ELMOD3: variants seen among roughly 807,000 people sequenced by gnomAD.
ELMOD3 encodes the protein ELMO domain containing 3.
ELMOD3 carries 36 observed loss-of-function variants against 47.4 expected under a neutral mutation model. The observed-to-expected ratio is 0.76, with a 90% confidence interval of 0.58 to 1.00. ELMOD3 has a LOEUF of 1.00. Ranked by LOEUF, ELMOD3 falls within the 50% of genes least tolerant of loss-of-function variation. ELMOD3 has a pLI of 0.00. For missense variants in ELMOD3, 404 were observed against 463.8 expected (o/e 0.87, Z 1.18); for synonymous variants, 149 against 183.5 (o/e 0.81, Z 1.52).
At chr2:85,368,872 T>G in intron 7 of ELMOD3, 118 bp downstream of exon 7, 1 of 972,004 alleles carries the variant, frequency 1.0e-6, no homozygotes, top group Non-Finnish European at 1.6e-6. Context: ...CTGAGAGTGC[T>G]CATTTTAACT....
Position 85,371,183 on chromosome 2 carries a change from G to A in ELMOD3, c.458G>A (p.Arg153Lys). The change falls in exon 9 of 14, where the codon AGG (arginine) becomes AAG (lysine). Residue 153 changes from arginine to lysine, a missense_variant. Transcript: ENST00000409013. ...PKLHQRLREE[R>K]DLVLTIAQCG... Reference sequence around the variant, plus strand: ...CTCCACCAGCGCCTTCGGGAAGAAAGGGACTTGGTCCTGACCATTGCTCAG... The same window carrying A: ...CTCCACCAGCGCCTTCGGGAAGAAAAGGACTTGGTCCTGACCATTGCTCAG... 2 of 1,614,276 alleles carry A rather than the reference G, an allele frequency of 1.2e-6. No homozygotes were observed. The highest frequency in any genetic ancestry group is 1.1e-5 in the South Asian group (1 of 91,088).
In ELMOD3 at chr2:85,371,185, G is replaced by A; in HGVS notation, c.460G>A (p.Asp154Asn). ...CCACCAGCGCCTTCGGGAAGAAAGG[G>A]ACTTGGTCCTGACCATTGCTCAGTG... ...KLHQRLREER[D>N]LVLTIAQCGL... Residue 154 changes from aspartate (D) to asparagine (N), a missense_variant, in exon 9 of 14, where the codon GAC becomes AAC. By Grantham distance (23) the Asp-to-Asn change is conservative. Transcript: ENST00000409013. 6.2e-7 allele frequency: 1 copy of A among 1,614,266 alleles called. No homozygotes were observed. Among genetic ancestry groups the A allele is most frequent in the East Asian group, 2.2e-5 (1 of 44,888 alleles).
chr2:85,385,512 T>A (rs1685862324), intron 11 of ELMOD3, among the ~76,000 whole-genome samples: 1 of 152,238 alleles, frequency 6.6e-6, no homozygotes, highest in Non-Finnish European at 1.5e-5. Context: ...GAAGGAATTT[T>A]ACAAGGTAAT....
At chr2:85,377,208 G>C (rs770266209) in intron 10 of ELMOD3, 136 bp from the exon 11 acceptor site, 402 of 764,706 alleles carry the variant, frequency 5.3e-4, no homozygotes, top group Admixed American at 8.8e-4. Context: ...AGCCCCACAA[G>C]TGTGGCAGAA....
rs368941336 is a variant in ELMOD3, at chr2:85,363,704, G to A, written c.199+538G>A. On this transcript the variant is annotated intron_variant, in intron 6 of 13. Coordinates refer to ENST00000409013, the MANE Select transcript of ELMOD3 (RefSeq NM_001135022.2). ...TACCTGGGTAGGCCTCACAAACATG[G>A]TGGAAGGCAAGGAGGAGCAAGTCAC... 2.6e-5 allele frequency among the ~76,000 whole-genome samples: 4 copies of A among 152,318 alleles called. No individual in the cohort carries two copies. The East Asian group carries it at 5.8e-4, about 22-fold the overall frequency.
chr2:85,358,382 G>A (rs996672272), intron 4 of ELMOD3, among the ~76,000 whole-genome samples: 1 of 152,142 alleles, frequency 6.6e-6, no homozygotes, highest in Admixed American at 6.6e-5. Flanking sequence ...ACTGGACTTA[G>A]AGGTGTGAGA....
At position 85,357,062 on chromosome 2, in the gene ELMOD3, A is replaced by C; in HGVS notation, c.-137A>C. On this transcript the variant is annotated 5_prime_UTR_variant, in exon 4 of 14. Transcript: ENST00000409013. The stretch of plus-strand genomic sequence containing the variant: ...ACAAAGGGACTGTTTTCTTACTCTT[A>C]GTCTGAGTGACTGCCAAGGAAGGCA... The C allele has an allele frequency of 1.6e-6, 1 of 616,564 alleles. No homozygotes were observed. The highest frequency in any genetic ancestry group is 2.0e-5 in the South Asian group (1 of 49,552). The allele number at this position is 616,564 out of a possible 1,614,324, so 38.2% of individuals were successfully genotyped here.
In ELMOD3 at chr2:85,363,050, G is replaced by A. The variant is rs770157563; in HGVS notation, c.130-47G>A. 8 of 1,172,904 alleles carry A rather than the reference G, an allele frequency of 6.8e-6. No homozygotes were observed. In the South Asian group the frequency reaches 1.0e-4, roughly 15 times the overall value. 72.7% of individuals were successfully genotyped at this position (1,172,904 alleles called of 1,614,324 possible). A position where few individuals can be genotyped will look rare whatever the true frequency, so the allele number is the denominator to read the frequency against. On this transcript the variant is annotated intron_variant, in intron 5 of 13. Transcript: ENST00000409013. ...GGGTGGGAAGCGTTTGTGTATATGG[G>A]GGTATGTGGATTCTATCCTCAAGCT...
intron 8 of ELMOD3, among the ~76,000 whole-genome samples, chr2:85,370,089 A>C (rs373941821): frequency 2.1e-4 from 32 of 152,230 alleles, no homozygotes; most frequent in Middle Eastern, 3.4e-3. Context: ...AGGGATGGGG[A>C]CATCTAGAGT....
chr2:85,387,356 GTGTTGACAAAATC>G, intron 11 of ELMOD3: 1 of 551,256 alleles, frequency 1.8e-6, no homozygotes, highest in Non-Finnish European at 2.4e-6. Context: ...AAAATGTTAA[GTGTTGACAAAATC>G]TGTCTCATAA....
chr2:85,385,911 C>T (rs1255014070), intron 11 of ELMOD3, among the ~76,000 whole-genome samples: 2 of 152,098 alleles, frequency 1.3e-5, no homozygotes, highest in Non-Finnish European at 2.9e-5. Flanking sequence ...AAGAGAGTCA[C>T]AATGTTTCTG....
intron 12 of ELMOD3, 130 bp from the exon 13 acceptor site, chr2:85,390,008 C>T (rs748190569): frequency 6.2e-6 from 7 of 1,137,102 alleles, no homozygotes; most frequent in African/African-American, 3.0e-5. Flanking sequence ...ATGTCAGGCT[C>T]CTGGGGAATG....
Position 85,376,217 on chromosome 2 carries a change from G to A in ELMOD3, c.608-1127G>A, listed in dbSNP as rs1048186520. 4.5e-4 allele frequency among the ~76,000 whole-genome samples: 69 copies of A among 152,106 alleles called. No homozygotes were observed. Among genetic ancestry groups the A allele is most frequent in the Non-Finnish European group, 8.8e-4 (60 of 68,014 alleles). Reference sequence around the variant, plus strand: ...GTCTGTTGATCATCTTTTCTCATTCGAATTGAGAATTACCTAGTTCTTGGT... The same window carrying A: ...GTCTGTTGATCATCTTTTCTCATTCAAATTGAGAATTACCTAGTTCTTGGT... On this transcript the variant is annotated intron_variant, in intron 10 of 13. Transcript: ENST00000409013. This position sits in a 1 kb window ranked among gnomAD's most constrained non-coding sequence, Gnocchi z 4.2.
chr2:85,370,554 T>C (rs1401314594), intron 8 of ELMOD3, among the ~76,000 whole-genome samples: 2 of 152,146 alleles, frequency 1.3e-5, no homozygotes, highest in Admixed American at 1.3e-4. Flanking sequence ...CCAAGTTGTT[T>C]TATAGGACCC....
At chr2:85,375,675 T>C (rs1685125162) in intron 10 of ELMOD3, among the ~76,000 whole-genome samples, 1 of 152,252 alleles carries the variant, frequency 6.6e-6, no homozygotes, top group Non-Finnish European at 1.5e-5. Context: ...TGTAACAAAT[T>C]ACCACAAACC....
intron 11 of ELMOD3, among the ~76,000 whole-genome samples, chr2:85,377,952 G>C (rs989761753): frequency 2.6e-5 from 4 of 152,140 alleles, no homozygotes; most frequent in African/African-American, 9.7e-5. Flanking sequence ...TAGCAACTTA[G>C]AACTTTTTAA....
At chr2:85,389,522 A>T in intron 11 of ELMOD3, 1 of 584,060 alleles carries the variant, frequency 1.7e-6, no homozygotes, top group Non-Finnish European at 3.1e-6. Flanking sequence ...AAATAACCTC[A>T]GTTGGTATCC....
intron 10 of ELMOD3, 35 bp from the exon 11 acceptor site, chr2:85,377,309 T>C (rs767297808): frequency 1.3e-6 from 2 of 1,546,230 alleles, no homozygotes; most frequent in South Asian, 1.3e-5. Context: ...CATTGCTCGC[T>C]GCCACACCCT....
At chr2:85,372,773 C>T (rs1684884507) in intron 10 of ELMOD3, 1 of 150,172 alleles carries the variant, frequency 6.7e-6, no homozygotes. Context: ...GCCTGTAGTC[C>T]CAGCTACTCG....
Sources: gnomAD v4.1 joint callset for allele counts (sites outside exome capture counted in the v4.1 genomes callset) on GRCh38, gnomAD v4.1.1 for gene constraint, Gnocchi (gnomAD v3.1) non-coding constraint, MANE v1.5 for transcripts, NCBI Gene and HGNC (gene_info 2026-07-23, HGNC 2026-07-21) for gene names.